The following MYO1H variants were observed in gnomAD, a reference collection of about 807,000 sequenced individuals.
MYO1H encodes unconventional myosin-Ih.
MYO1H carries 118 observed loss-of-function variants against 149.3 expected under a neutral mutation model. The observed-to-expected ratio is 0.79, with a 90% CI of 0.68 to 0.92. MYO1H has a LOEUF of 0.92. Ranked by LOEUF, MYO1H falls within the 40% of genes least tolerant of loss-of-function variation. MYO1H has a pLI of 0.00. For missense variants in MYO1H, 1,212 were observed against 1,280.7 expected, an observed-to-expected ratio of 0.95 and a Z score of 0.82; for synonymous variants, 447 against 465.2, an observed-to-expected ratio of 0.96 and a Z score of 0.50.
chr12:109,325,614 A>AACC, the MYO1H span, among the ~76,000 whole-genome samples: 1 of 152,210 alleles, frequency 6.6e-6, no homozygotes, highest in South Asian at 2.1e-4. Flanking sequence ...TTGCACAGCA[A>AACC]AAAAAGCTAG....
intron 1 of MYO1H, among the ~76,000 whole-genome samples, chr12:109,374,789 G>A (rs1415166207): frequency 1.3e-5 from 2 of 151,790 alleles, no homozygotes; most frequent in African/African-American, 4.8e-5. Context: ...ATTTTTGTCA[G>A]TTTGGTAAGT....
intron 1 of MYO1H, among the ~76,000 whole-genome samples, chr12:109,369,206 T>C (rs1443227645): frequency 1.3e-5 from 2 of 152,280 alleles, no homozygotes; most frequent in East Asian, 3.9e-4. Flanking sequence ...CAGGTTAGTC[T>C]CAAACTCCTG....
chr12:109,378,335 T>A (rs954935279), intron 1 of MYO1H, among the ~76,000 whole-genome samples: 3 of 130,556 alleles, frequency 2.3e-5, no homozygotes, highest in Non-Finnish European at 3.3e-5. Flanking sequence ...TTATTTATTT[T>A]TTTGAGATAA....
chr12:109,334,110 G>A, the MYO1H span, among the ~76,000 whole-genome samples: 1 of 151,980 alleles, frequency 6.6e-6, no homozygotes, highest in Non-Finnish European at 1.5e-5. Context: ...TCCACCTCCT[G>A]GGTTCAAGCG....
At chr12:109,355,687 T>A (rs1259795839) in intron 1 of MYO1H, among the ~76,000 whole-genome samples, 1 of 151,752 alleles carries the variant, frequency 6.6e-6, no homozygotes, top group Admixed American at 6.6e-5. Context: ...TTTTGTTTTG[T>A]TTTGTTTGGT....
At chr12:109,370,467 C>T (rs1241664355) in intron 1 of MYO1H, among the ~76,000 whole-genome samples, 1 of 152,218 alleles carries the variant, frequency 6.6e-6, no homozygotes, top group Admixed American at 6.5e-5. Flanking sequence ...CATCACTTAG[C>T]TTCCCTGTTT....
chr12:109,346,583 A>T (rs1007504520), upstream of MYO1H, among the ~76,000 whole-genome samples: 2 of 152,112 alleles, frequency 1.3e-5, no homozygotes, highest in African/African-American at 2.4e-5. Flanking sequence ...CAACATGGTG[A>T]AACCTTATCT....
the MYO1H span, among the ~76,000 whole-genome samples, chr12:109,341,595 G>C: frequency 7.0e-6 from 1 of 142,142 alleles, no homozygotes; most frequent in Admixed American, 7.3e-5. Context: ...ATGACTTCAG[G>C]TTTGCCCTGA....
At chr12:109,360,836 C>A (rs1292560168) in intron 1 of MYO1H, among the ~76,000 whole-genome samples, 15 of 152,182 alleles carry the variant, frequency 9.9e-5, no homozygotes, top group Non-Finnish European at 1.8e-4. Context: ...CATGAGACAA[C>A]CACAGGATTC....
At chr12:109,419,899 TGCC>T (rs1871100882) in intron 15 of MYO1H, among the ~76,000 whole-genome samples, 1 of 152,068 alleles carries the variant, frequency 6.6e-6, no homozygotes, top group Non-Finnish European at 1.5e-5. Flanking sequence ...AATCTGGTTT[TGCC>T]TTTATAATGC....
chr12:109,395,953 G>C (rs35697139), intron 3 of MYO1H, among the ~76,000 whole-genome samples: 75,596 of 151,466 alleles, frequency 0.5, 19,541 homozygotes, highest in African/African-American at 0.62. Context: ...GAGTCTTGCT[G>C]TGTTGCCCAG....
the MYO1H span, among the ~76,000 whole-genome samples, chr12:109,334,236 C>T: frequency 6.6e-5 from 10 of 152,168 alleles, no homozygotes; most frequent in Non-Finnish European, 1.3e-4. Flanking sequence ...CCAGGCTGGT[C>T]TCAAACTCCT....
In MYO1H at chr12:109,443,548, G is replaced by C. The variant is rs1435766611; in HGVS notation, c.2723G>C (p.Gly908Ala). The C allele has an allele frequency of 6.8e-6, 11 of 1,613,584 alleles. No homozygotes were observed. The highest frequency in any genetic ancestry group is 2.2e-5 in the South Asian group (2 of 91,064). The stretch of plus-strand genomic sequence containing the variant: ...CCGGTCATTAAATATGACAGAAAAG[G>C]CTTCAAAGCACGGCAGCGGCAACTC... The change falls in exon 28 of 32, where the codon GGC becomes GCC. Residue 908 changes from glycine (G) to alanine (A), a missense_variant. Physicochemically the swap from Gly to Ala is moderately conservative, Grantham distance 60. Transcript: ENST00000310903.
chr12:109,393,423 T>G (rs1195607724), exon 3 of MYO1H: 19 of 1,583,384 alleles, frequency 1.2e-5, no homozygotes, highest in Admixed American at 1.8e-5. Context: ...AAGGGGTCAA[T>G]TTCTTTGAAC....
chr12:109,446,811 C>A (rs1872501343), intron 31 of MYO1H, among the ~76,000 whole-genome samples: 1 of 152,204 alleles, frequency 6.6e-6, no homozygotes, highest in African/African-American at 2.4e-5. Context: ...CCCCTAGACA[C>A]AATGAACTCC....
At chr12:109,317,007 C>T in the MYO1H span, among the ~76,000 whole-genome samples, 2 of 152,306 alleles carry the variant, frequency 1.3e-5, no homozygotes, top group South Asian at 4.1e-4. Flanking sequence ...GCTGATAGTT[C>T]ATTATCAAAA....
At chr12:109,419,126 C>T (rs921200470) in intron 15 of MYO1H, among the ~76,000 whole-genome samples, 1 of 152,128 alleles carries the variant, frequency 6.6e-6, no homozygotes, top group Non-Finnish European at 1.5e-5. Context: ...CAATAATAAA[C>T]AGTTTCTTGT....
At chr12:109,335,142 TTTTA>T in the MYO1H span, among the ~76,000 whole-genome samples, 1 of 152,202 alleles carries the variant, frequency 6.6e-6, no homozygotes, top group African/African-American at 2.4e-5. Context: ...ATATGTCACA[TTTTA>T]TTTATCCATT....
At chr12:109,427,654 AGTG>A in intron 19 of MYO1H, 68 bp downstream of exon 19, 1 of 1,142,870 alleles carries the variant, frequency 8.7e-7, no homozygotes, top group South Asian at 1.2e-5. Flanking sequence ...TCTGGGGTTT[AGTG>A]GTAAATAAAA....
Sources: allele counts gnomAD v4.1 joint callset (sites outside exome capture counted in the v4.1 genomes callset), GRCh38; gene constraint gnomAD v4.1.1; transcripts MANE v1.5; gene names NCBI Gene and HGNC (gene_info 2026-07-23, HGNC 2026-07-21).